RASEF: variants seen among roughly 807,000 people sequenced by gnomAD.
The protein encoded by RASEF is ras and EF-hand domain-containing protein.
RASEF carries 68 observed loss-of-function variants against 90.1 expected under a neutral mutation model. The ratio of observed to expected loss-of-function variants is 0.75; its 90% CI spans 0.62 to 0.92. The LOEUF (loss-of-function observed/expected upper bound fraction) is 0.92, where lower values mean the gene tolerates loss of function less well. Ranked by LOEUF, RASEF falls within the 40% of genes least tolerant of loss-of-function variation. The probability of loss-of-function intolerance (pLI) is 0.00; values close to 1 mark genes in which losing one functional copy is unlikely to be tolerated. For synonymous variants in RASEF, 331 were observed against 345.2 expected (o/e 0.96, Z 0.46); for missense variants, 949 against 937.2 (o/e 1.01, Z -0.16).
At chr9:83,155,381 C>T in the RASEF span, among the ~76,000 whole-genome samples, 1 of 152,150 alleles carries the variant, frequency 6.6e-6, no homozygotes, top group Non-Finnish European at 1.5e-5. Context: ...AGGGAGGCCT[C>T]ACAATCATGG....
At chr9:83,021,356 C>T (rs543640579) in intron 3 of RASEF, among the ~76,000 whole-genome samples, 1 of 152,290 alleles carries the variant, frequency 6.6e-6, no homozygotes, top group Non-Finnish European at 1.5e-5. Context: ...GCCACTTGTA[C>T]ATTATTTTGC....
chr9:83,125,493 A>G, the RASEF span, among the ~76,000 whole-genome samples: 11 of 152,214 alleles, frequency 7.2e-5, no homozygotes, highest in Admixed American at 2.6e-4. Flanking sequence ...GGCTTCCCAC[A>G]TCTAATAACT....
At chr9:83,090,256 T>C in the RASEF span, among the ~76,000 whole-genome samples, 1 of 152,208 alleles carries the variant, frequency 6.6e-6, no homozygotes, top group Admixed American at 6.5e-5. Flanking sequence ...TTTTCTTTAG[T>C]TTTTTAGGCA....
intron 3 of RASEF, among the ~76,000 whole-genome samples, chr9:83,016,813 G>A (rs914539871): frequency 2.0e-5 from 3 of 152,178 alleles, no homozygotes; most frequent in African/African-American, 4.8e-5. Context: ...ACCTGCCAGA[G>A]GTAGCGTGTC....
At chr9:83,014,418 A>G (rs1478718428) in intron 4 of RASEF, among the ~76,000 whole-genome samples, 1 of 152,028 alleles carries the variant, frequency 6.6e-6, no homozygotes, top group Non-Finnish European at 1.5e-5. Context: ...CTTCCACCCC[A>G]GCCTCCTGAG....
At chr9:83,077,307 A>G in the RASEF span, among the ~76,000 whole-genome samples, 3 of 152,342 alleles carry the variant, frequency 2.0e-5, no homozygotes, top group Admixed American at 6.5e-5. Flanking sequence ...ACATTCTTAC[A>G]GAAACTGAAT....
At chr9:83,090,296 A>T in the RASEF span, among the ~76,000 whole-genome samples, 1 of 152,168 alleles carries the variant, frequency 6.6e-6, no homozygotes, top group East Asian at 1.9e-4. Context: ...TAACATATTT[A>T]AAATAGCTGA....
At chr9:83,022,231 G>A in intron 3 of RASEF, 105 bp downstream of exon 3, 1 of 828,464 alleles carries the variant, frequency 1.2e-6, no homozygotes, top group South Asian at 1.4e-5. Flanking sequence ...GCAGAAACCT[G>A]GACTTGCTGT....
the RASEF span, among the ~76,000 whole-genome samples, chr9:83,164,664 T>C: frequency 1.4e-5 from 2 of 147,302 alleles, no homozygotes; most frequent in Non-Finnish European, 3.0e-5. Flanking sequence ...TAACAGACAA[T>C]GGTAACACAT....
intron 14 of RASEF, among the ~76,000 whole-genome samples, chr9:82,994,504 C>A (rs1731234371): frequency 6.6e-6 from 1 of 152,174 alleles, no homozygotes; most frequent in African/African-American, 2.4e-5. Context: ...TCACCTTCTA[C>A]CATATCATTT....
At chr9:83,070,506 A>G in the RASEF span, among the ~76,000 whole-genome samples, 1 of 152,092 alleles carries the variant, frequency 6.6e-6, no homozygotes, top group African/African-American at 2.4e-5. Flanking sequence ...CCAACACCAT[A>G]TGGTCTTGAT....
the RASEF span, among the ~76,000 whole-genome samples, chr9:83,124,259 G>A: frequency 6.6e-6 from 1 of 151,784 alleles, no homozygotes; most frequent in Non-Finnish European, 1.5e-5. Flanking sequence ...TATGAACATG[G>A]GTGTATGAAT....
At chr9:83,000,401 T>G (rs199630496) in intron 11 of RASEF, 32 bp downstream of exon 11, 15 of 1,612,282 alleles carry the variant, frequency 9.3e-6, no homozygotes, top group Non-Finnish European at 1.2e-5. Context: ...TAAGCAGTGT[T>G]CATGAATAGG....
chr9:83,019,301 G>T (rs984173046), intron 3 of RASEF, among the ~76,000 whole-genome samples: 11 of 151,926 alleles, frequency 7.2e-5, no homozygotes, highest in African/African-American at 2.7e-4. Context: ...ATGAGCCAAA[G>T]ATTTTTAATA....
At chr9:83,113,321 C>G in the RASEF span, among the ~76,000 whole-genome samples, 28 of 152,302 alleles carry the variant, frequency 1.8e-4, no homozygotes, top group Admixed American at 4.6e-4. Context: ...ATCTCTTAAT[C>G]ACGTTATCTT....
the RASEF span, among the ~76,000 whole-genome samples, chr9:83,184,348 G>A: frequency 1.3e-5 from 2 of 152,248 alleles, no homozygotes; most frequent in South Asian, 2.1e-4. Flanking sequence ...AGGGAATAAC[G>A]GAGGATCTGA....
rs1325542891 is a variant in RASEF, at chr9:82,997,060, T to A, written c.1872A>T (p.Thr624=). Residue 624 remains threonine (T), a synonymous_variant, in exon 14 of 17, where the codon ACA becomes ACT. Transcript: ENST00000376447. ...GTATGTTAAGAAAGCTTTTCTCACA[T>A]GTAACATCATACAGCAGCAAAACAC... ...ADGVLLLYDV[T]CEKSFLNIRE... 6.2e-7 allele frequency: 1 copy of A among 1,613,414 alleles called. No individual in the cohort carries two copies. Among genetic ancestry groups the A allele is most frequent in the South Asian group, 1.1e-5 (1 of 91,068 alleles).
intron 8 of RASEF, 59 bp from the exon 9 acceptor site, chr9:83,004,645 T>A: frequency 1.0e-6 from 1 of 973,410 alleles, no homozygotes; most frequent in Non-Finnish European, 1.6e-6. Flanking sequence ...ACATTTTATA[T>A]ACACATAGGT....
At chr9:83,130,028 G>A in the RASEF span, among the ~76,000 whole-genome samples, 3 of 152,282 alleles carry the variant, frequency 2.0e-5, no homozygotes, top group Admixed American at 2.0e-4. Flanking sequence ...AAATGCCTTG[G>A]TATATTTTGG....
Sources: gnomAD v4.1 joint callset for allele counts (sites outside exome capture counted in the v4.1 genomes callset) on GRCh38, gnomAD v4.1.1 for gene constraint, MANE v1.5 for transcripts, NCBI Gene and HGNC (gene_info 2026-07-23, HGNC 2026-07-21) for gene names.